MTMR6: variants seen among roughly 807,000 people sequenced by gnomAD.
MTMR6 encodes the protein myotubularin related protein 6.
A neutral mutation model predicts 80.1 loss-of-function variants in MTMR6; 47 were observed. The observed-to-expected ratio is 0.59, with a 90% CI of 0.46 to 0.75. MTMR6 has a LOEUF of 0.75. Among genes scored for constraint, MTMR6 ranks in the 30% least tolerant of loss-of-function variants. The probability of loss-of-function intolerance (pLI) is 0.00; values close to 1 mark genes in which losing one functional copy is unlikely to be tolerated. For missense variants in MTMR6, 629 were observed against 730.9 expected, an observed-to-expected ratio of 0.86 and a Z score of 1.61; for synonymous variants, 254 against 253.0, an observed-to-expected ratio of 1.00 and a Z score of -0.04.
At position 25,251,244 on chromosome 13, in the gene MTMR6, C is replaced by T. The variant is rs1957081582; in HGVS notation, c.1605+405G>A. On this transcript the variant is annotated intron_variant, in intron 13 of 13. Transcript: ENST00000381801. This position sits in a 1 kb window ranked among gnomAD's most constrained non-coding sequence, Gnocchi z 4.1. ...CTGTGCTGACCAGGCTGGTCTCAAA[C>T]TCTCCTGACCTGGTGATCCACCCGC... Among the ~76,000 whole-genome samples, 1 of 152,058 alleles carries T rather than the reference C, an allele frequency of 6.6e-6. No homozygotes were observed. Among genetic ancestry groups the T allele is most frequent in the African/African-American group, 2.4e-5 (1 of 41,388 alleles).
Position 25,266,230 on chromosome 13 carries a change from G to C in MTMR6, c.361C>G (p.Arg121Gly), listed in dbSNP as rs1177768356. The change falls in exon 4 of 14, where the codon CGA becomes GGA. Residue 121 changes from arginine (R) to glycine (G), a missense_variant. Coordinates refer to ENST00000381801, the MANE Select transcript of MTMR6 (RefSeq NM_004685.5). The stretch of plus-strand genomic sequence containing the variant: ...TCAATGAGCTGCCAGCCTTGTAGTC[G>C]TTCTGAATCATTTTGTTTGGGATTA... ...SYNPKQNDSE[R>G]LQGWQLIDLA... The C allele has an allele frequency of 6.2e-7, 1 of 1,613,440 alleles. No homozygotes were observed. Among genetic ancestry groups the C allele is most frequent in the African/African-American group, 1.3e-5 (1 of 74,886 alleles).
At chr13:25,253,524 G>A (rs549624387) in intron 11 of MTMR6, among the ~76,000 whole-genome samples, 4 of 152,230 alleles carry the variant, frequency 2.6e-5, no homozygotes, top group Admixed American at 2.6e-4. Flanking sequence ...CACACTTAAC[G>A]CTCTATGTAC....
intron 1 of MTMR6, among the ~76,000 whole-genome samples, chr13:25,276,989 C>G (rs927756112): frequency 6.6e-6 from 1 of 152,170 alleles, no homozygotes; most frequent in Non-Finnish European, 1.5e-5. Context: ...TAGTCATAAA[C>G]CTATGTGATC....
At chr13:25,283,129 T>C (rs1957893874) in intron 1 of MTMR6, among the ~76,000 whole-genome samples, 1 of 150,948 alleles carries the variant, frequency 6.6e-6, no homozygotes, top group Non-Finnish European at 1.5e-5. Flanking sequence ...CCACCCCTCC[T>C]CTCTGTTCTT....
Position 25,265,799 on chromosome 13 carries a change from T to C in MTMR6, c.591+20A>G. ...GATGAGTTATACTTTATTTCTAAAATCAAAAGAAAAGCATCCTACCTCCTT... is the reference window on the plus strand; with the variant it reads ...GATGAGTTATACTTTATTTCTAAAACCAAAAGAAAAGCATCCTACCTCCTT... On this transcript the variant is annotated intron_variant, in intron 5 of 13. Coordinates refer to ENST00000381801, the MANE Select transcript of MTMR6 (RefSeq NM_004685.5). 1 of 1,596,470 alleles carries C rather than the reference T, an allele frequency of 6.3e-7. No homozygotes were observed. The highest frequency in any genetic ancestry group is 8.6e-7 in the Non-Finnish European group (1 of 1,168,660).
At position 25,274,196 on chromosome 13, in the gene MTMR6, A is replaced by G; in HGVS notation, c.25-9T>C. Reference sequence around the variant, plus strand: ...AATTTTACTTGTTCGACCTAAAAGAAAAAAAGATATTATTTCTCATTTCAA... The same window carrying G: ...AATTTTACTTGTTCGACCTAAAAGAGAAAAAGATATTATTTCTCATTTCAA... On this transcript the variant is annotated splice_polypyrimidine_tract_variant and intron_variant, in intron 1 of 13. Coordinates refer to ENST00000381801, the MANE Select transcript of MTMR6 (RefSeq NM_004685.5). 6.5e-7 allele frequency: 1 copy of G among 1,534,076 alleles called. No homozygotes were observed. Among genetic ancestry groups the G allele is most frequent in the Non-Finnish European group, 9.0e-7 (1 of 1,115,938 alleles).
chr13:25,253,987 C>T (rs1241704902), intron 10 of MTMR6, 23 bp from the exon 11 acceptor site: 6 of 1,608,696 alleles, frequency 3.7e-6, no homozygotes, highest in Non-Finnish European at 5.1e-6. Flanking sequence ...AAAGTATAAG[C>T]TTTTAAAAAC....
At chr13:25,278,687 T>A (rs916154294) in intron 1 of MTMR6, among the ~76,000 whole-genome samples, 2 of 115,778 alleles carry the variant, frequency 1.7e-5, no homozygotes, top group African/African-American at 6.8e-5. Context: ...CACTCCAGCC[T>A]GGGCACAAGA....
chr13:25,266,019 T>C (rs1957446854), intron 4 of MTMR6, 72 bp from the exon 5 acceptor site: 4 of 1,597,208 alleles, frequency 2.5e-6, no homozygotes, highest in Non-Finnish European at 3.4e-6. Context: ...TTAAACCTTA[T>C]TAAATGCAAG....
intron 1 of MTMR6, among the ~76,000 whole-genome samples, chr13:25,279,968 T>G (rs927667383): frequency 6.6e-6 from 1 of 152,054 alleles, no homozygotes; most frequent in East Asian, 1.9e-4. Context: ...GTGGAGAAAA[T>G]GCTGAGTTGA....
At chr13:25,252,036 A>G in intron 11 of MTMR6, 52 bp from the exon 12 acceptor site, 1 of 1,551,086 alleles carries the variant, frequency 6.4e-7, no homozygotes, top group South Asian at 1.2e-5. Context: ...GCAAAGTAGT[A>G]ATGGTAATAT....
intron 9 of MTMR6, 113 bp downstream of exon 9, chr13:25,257,083 G>T: frequency 8.7e-7 from 1 of 1,145,450 alleles, no homozygotes; most frequent in Non-Finnish European, 1.2e-6. Flanking sequence ...ACGGATGCCA[G>T]TCTCATCATT....
At chr13:25,275,472 G>C (rs908779403) in intron 1 of MTMR6, among the ~76,000 whole-genome samples, 2 of 151,968 alleles carry the variant, frequency 1.3e-5, no homozygotes, top group Admixed American at 6.6e-5. Flanking sequence ...GTACCAGCAG[G>C]TTGCAGACAG....
At chr13:25,263,641 C>T (rs766608561) in intron 5 of MTMR6, among the ~76,000 whole-genome samples, 26 of 152,308 alleles carry the variant, frequency 1.7e-4, no homozygotes, top group Non-Finnish European at 1.3e-4. Context: ...AATCCCAGCA[C>T]TTTGGGAGGC....
intron 3 of MTMR6, among the ~76,000 whole-genome samples, chr13:25,266,575 A>T (rs1425065016): frequency 1.3e-5 from 2 of 152,234 alleles, no homozygotes; most frequent in Non-Finnish European, 2.9e-5. Context: ...TTAAAAGTAA[A>T]ATGATAAAGA....
At chr13:25,278,584 G>A (rs1297265940) in intron 1 of MTMR6, among the ~76,000 whole-genome samples, 1 of 150,992 alleles carries the variant, frequency 6.6e-6, no homozygotes, top group Non-Finnish European at 1.5e-5. Flanking sequence ...AGCTGGGCAG[G>A]CACCTGTAAT....
intron 7 of MTMR6, 107 bp from the exon 8 acceptor site, chr13:25,257,952 C>A: frequency 1.5e-6 from 1 of 661,230 alleles, no homozygotes; most frequent in Non-Finnish European, 2.5e-6. Flanking sequence ...ACAAAATAAA[C>A]AGGCAAGACT....
At chr13:25,264,420 A>G (rs1957407469) in intron 5 of MTMR6, among the ~76,000 whole-genome samples, 1 of 152,144 alleles carries the variant, frequency 6.6e-6, no homozygotes, top group Admixed American at 6.5e-5. Flanking sequence ...CAAAATTGAG[A>G]CCTGAGTTTC....
rs779937002 is a variant in MTMR6, at chr13:25,257,762, T to C, written c.943A>G (p.Met315Val). 19 of 1,613,380 alleles carry C rather than the reference T, an allele frequency of 1.2e-5. No individual in the cohort carries two copies. The South Asian group carries it at 1.9e-4, about 16-fold the overall frequency. Residue 315 changes from methionine (M) to valine (V), a missense_variant, in exon 8 of 14, where the codon ATG (methionine) becomes GTG (valine). By Grantham distance (21) the Met-to-Val change is conservative. Coordinates refer to ENST00000381801, the MANE Select transcript of MTMR6 (RefSeq NM_004685.5). ...SGWLRHIKAV[M>V]DAAIFLAKAI... is the part of the protein sequence containing the mutation. ...TTGGCCAAGAAGATTGCAGCATCCA[T>C]AACAGCTTTGATATGGCGAAGCCAT...
Sources: allele counts gnomAD v4.1 joint callset (sites outside exome capture counted in the v4.1 genomes callset), GRCh38; gene constraint gnomAD v4.1.1; non-coding constraint Gnocchi (gnomAD v3.1); transcripts MANE v1.5; gene names NCBI Gene and HGNC (gene_info 2026-07-23, HGNC 2026-07-21).